SLC24A2: variants seen among roughly 807,000 people sequenced by gnomAD.
SLC24A2 encodes the protein solute carrier family 24 member 2.
In SLC24A2, 36 loss-of-function variants were observed where a neutral mutation model predicts 62.0. The observed-to-expected ratio is 0.58, with a 90% CI of 0.44 to 0.77. The LOEUF is 0.77. Ranked by LOEUF, SLC24A2 falls within the 30% of genes least tolerant of loss-of-function variation. The probability of loss-of-function intolerance (pLI) is 0.00; values close to 1 mark genes in which losing one functional copy is unlikely to be tolerated. For missense variants in SLC24A2, 846 were observed against 817.9 expected, an observed-to-expected ratio of 1.03 and a Z score of -0.42; for synonymous variants, 358 against 294.0, an observed-to-expected ratio of 1.22 and a Z score of -2.23.
the SLC24A2 span, among the ~76,000 whole-genome samples, chr9:19,871,860 A>T: frequency 6.6e-6 from 1 of 152,186 alleles, no homozygotes; most frequent in Non-Finnish European, 1.5e-5. Context: ...GTTATTTTTT[A>T]AAAACATATG....
At chr9:19,568,374 T>C (rs1835738927) in intron 7 of SLC24A2, among the ~76,000 whole-genome samples, 1 of 152,190 alleles carries the variant, frequency 6.6e-6, no homozygotes, top group Non-Finnish European at 1.5e-5. Context: ...GAAAGGACTC[T>C]CAAATCCAGC....
At chr9:19,969,184 CA>C in the SLC24A2 span, among the ~76,000 whole-genome samples, 1 of 4,360 alleles carries the variant, frequency 2.3e-4, no homozygotes, top group Admixed American at 3.3e-3. Context: ...CCTCCTTTGC[CA>C]CACACACACA....
At chr9:20,071,704 C>T in the SLC24A2 span, among the ~76,000 whole-genome samples, 3 of 152,054 alleles carry the variant, frequency 2.0e-5, no homozygotes, top group Non-Finnish European at 2.9e-5. Context: ...TGGAACCAAG[C>T]CCCCAACCTG....
At chr9:19,576,707 C>T (rs1053027119) in intron 6 of SLC24A2, among the ~76,000 whole-genome samples, 1 of 152,150 alleles carries the variant, frequency 6.6e-6, no homozygotes, top group Non-Finnish European at 1.5e-5. Context: ...TAAATTTACT[C>T]TTCTTGGACT....
chr9:19,606,067 A>G (rs1836975909), intron 4 of SLC24A2, among the ~76,000 whole-genome samples: 4 of 152,210 alleles, frequency 2.6e-5, no homozygotes, highest in African/African-American at 7.2e-5. Flanking sequence ...GAACTCCTAG[A>G]ATCAGGTCTT....
the SLC24A2 span, among the ~76,000 whole-genome samples, chr9:20,120,358 T>C: frequency 2.7e-4 from 41 of 152,156 alleles, no homozygotes; most frequent in African/African-American, 9.4e-4. Context: ...ATGTACACCA[T>C]GGCATACTAC....
chr9:19,691,051 A>G lies in SLC24A2; in HGVS notation c.931-68752T>C, dbSNP rs145607212. Among the ~76,000 whole-genome samples, 3 of 152,284 alleles carry G rather than the reference A, an allele frequency of 2.0e-5. No homozygotes were observed. In the East Asian group the frequency reaches 5.8e-4, roughly 29 times the overall value. On this transcript the variant is annotated intron_variant, in intron 2 of 10. Transcript: ENST00000341998. ...ATAATGAAAACCTTTGAAGCTGCCCAAGATAATTTCAGGCCCCAGACGTCC... is the reference window on the plus strand; with the variant it reads ...ATAATGAAAACCTTTGAAGCTGCCCGAGATAATTTCAGGCCCCAGACGTCC...
the SLC24A2 span, among the ~76,000 whole-genome samples, chr9:20,005,976 T>C: frequency 2.6e-5 from 4 of 151,696 alleles, no homozygotes; most frequent in African/African-American, 9.7e-5. Flanking sequence ...TACCTCCTTT[T>C]AGGAAATTTG....
intron 2 of SLC24A2, among the ~76,000 whole-genome samples, chr9:19,779,067 G>C (rs958217642): frequency 2.6e-5 from 4 of 152,150 alleles, no homozygotes; most frequent in African/African-American, 9.7e-5. Flanking sequence ...AAGAGAAAAT[G>C]AGACGCTAGA....
the SLC24A2 span, among the ~76,000 whole-genome samples, chr9:19,879,134 C>A: frequency 6.6e-6 from 1 of 152,142 alleles, no homozygotes; most frequent in Non-Finnish European, 1.5e-5. Context: ...CACCTCTGTC[C>A]CTTCCTCATC....
chr9:19,800,061 T>C, the SLC24A2 span, among the ~76,000 whole-genome samples: 2 of 152,224 alleles, frequency 1.3e-5, no homozygotes, highest in Non-Finnish European at 2.9e-5. Flanking sequence ...TTCATATGGC[T>C]TTCTTTTCTG....
the SLC24A2 span, among the ~76,000 whole-genome samples, chr9:20,096,847 A>C: frequency 1.3e-5 from 2 of 152,038 alleles, no homozygotes; most frequent in African/African-American, 4.8e-5. Context: ...TGTTTTCAGA[A>C]AGCACTGTGG....
At chr9:20,076,545 T>C in the SLC24A2 span, among the ~76,000 whole-genome samples, 1 of 152,094 alleles carries the variant, frequency 6.6e-6, no homozygotes, top group East Asian at 1.9e-4. Flanking sequence ...AGAAAGACTC[T>C]CCTTCGGGAT....
chr9:20,124,090 T>G, the SLC24A2 span, among the ~76,000 whole-genome samples: 4 of 152,178 alleles, frequency 2.6e-5, no homozygotes, highest in Non-Finnish European at 4.4e-5. Context: ...ATACTTTCTA[T>G]TCATCCTTGA....
At chr9:20,179,674 T>A in the SLC24A2 span, among the ~76,000 whole-genome samples, 5 of 152,106 alleles carry the variant, frequency 3.3e-5, no homozygotes, top group Non-Finnish European at 5.9e-5. Context: ...CCAAAGTGAA[T>A]AGATTGAGAC....
chr9:20,019,107 A>AAGAGAGAG, the SLC24A2 span, among the ~76,000 whole-genome samples: 2 of 30,208 alleles, frequency 6.6e-5, no homozygotes, highest in African/African-American at 2.6e-4. Flanking sequence ...GAAAGATAGA[A>AAGAGAGAG]AGAAAGAAAG....
At chr9:20,120,119 T>C in the SLC24A2 span, among the ~76,000 whole-genome samples, 1 of 152,198 alleles carries the variant, frequency 6.6e-6, no homozygotes, top group African/African-American at 2.4e-5. Context: ...ATCTCTCTGA[T>C]CATTCTTCAC....
chr9:20,097,176 A>T, the SLC24A2 span, among the ~76,000 whole-genome samples: 1 of 152,124 alleles, frequency 6.6e-6, no homozygotes, highest in Non-Finnish European at 1.5e-5. Context: ...ATGATTCCCT[A>T]CCTGCCTCTT....
chr9:20,167,288 G>A, the SLC24A2 span, among the ~76,000 whole-genome samples: 2 of 150,242 alleles, frequency 1.3e-5, no homozygotes, highest in Non-Finnish European at 3.0e-5. Flanking sequence ...ATAATGGTAT[G>A]TCTGTGTAGC....
Sources: gnomAD v4.1 joint callset for allele counts (sites outside exome capture counted in the v4.1 genomes callset) on GRCh38, gnomAD v4.1.1 for gene constraint, MANE v1.5 for transcripts, NCBI Gene and HGNC (gene_info 2026-07-23, HGNC 2026-07-21) for gene names.